Variants in DSCAM observed in about 807,000 individuals in gnomAD.
DSCAM encodes the protein DS cell adhesion molecule.
Under a neutral mutation model 217.7 loss-of-function variants are expected in DSCAM, and 47 were observed. That is an observed-to-expected ratio of 0.22 (90% confidence interval 0.17 to 0.28). DSCAM has a LOEUF of 0.28. Among genes scored for constraint, DSCAM ranks in the 10% least tolerant of loss-of-function variants. The pLI is 1.00. For synonymous variants in DSCAM, 1,056 were observed against 1,015.3 expected (o/e 1.04, Z -0.76); for missense variants, 2,080 against 2,618.3 (o/e 0.79, Z 4.49).
chr21:40,753,037 T>C (rs1168373820), intron 1 of DSCAM, among the ~76,000 whole-genome samples: 1 of 152,204 alleles, frequency 6.6e-6, no homozygotes, highest in Non-Finnish European at 1.5e-5. Flanking sequence ...GCCTCCACCA[T>C]GTAACAGAGT....
rs531541185 is a variant in DSCAM, at chr21:40,281,041, C to T, written c.2183-4771G>A. Among the ~76,000 whole-genome samples the T allele has an allele frequency of 5.3e-5, 8 of 152,290 alleles. 1 individual carries two copies. Among genetic ancestry groups the T allele is most frequent in the African/African-American group, 1.9e-4 (8 of 41,554 alleles). On this transcript the variant is annotated intron_variant, in intron 10 of 32. Coordinates refer to ENST00000400454, the MANE Select transcript of DSCAM (RefSeq NM_001389.5). ...TGCATCCCAGCCAACCCCTTGGCTG[C>T]AATGTTGGGAAGATGGTGAACCAGA...
At chr21:40,307,292 C>G (rs1388328232) in intron 9 of DSCAM, among the ~76,000 whole-genome samples, 3 of 151,750 alleles carry the variant, frequency 2.0e-5, no homozygotes, top group African/African-American at 7.3e-5. Context: ...AGACACTTCT[C>G]AAAAGAAGAC....
chr21:40,544,478 G>A (rs906007372), intron 3 of DSCAM, among the ~76,000 whole-genome samples: 5 of 152,126 alleles, frequency 3.3e-5, no homozygotes, highest in Admixed American at 1.3e-4. Context: ...TAGTGTCTTC[G>A]TAAGAAGAGG....
chr21:40,108,470 G>C (rs1257740887), intron 20 of DSCAM, among the ~76,000 whole-genome samples: 3 of 152,150 alleles, frequency 2.0e-5, no homozygotes, highest in Admixed American at 2.0e-4. Context: ...CCTACAAGGA[G>C]AACTACAAAC....
At chr21:40,666,590 T>C (rs1406878911) in intron 3 of DSCAM, among the ~76,000 whole-genome samples, 1 of 152,216 alleles carries the variant, frequency 6.6e-6, no homozygotes, top group African/African-American at 2.4e-5. Context: ...CTGGAGGCTT[T>C]CAGAGGGAAG....
intron 16 of DSCAM, among the ~76,000 whole-genome samples, chr21:40,146,398 G>A (rs1038392942): frequency 1.3e-5 from 2 of 152,124 alleles, no homozygotes; most frequent in African/African-American, 4.8e-5. Flanking sequence ...TTGAAAACCT[G>A]CCAAATGTGA....
chr21:40,674,632 CT>C (rs869046725), intron 3 of DSCAM, among the ~76,000 whole-genome samples: 58 of 51,998 alleles, frequency 1.1e-3, no homozygotes, highest in Non-Finnish European at 1.6e-3. Flanking sequence ...TTTTCTTTTT[CT>C]TTTTTTTTTT....
At chr21:40,093,119 T>C (rs549645728) in intron 21 of DSCAM, among the ~76,000 whole-genome samples, 1 of 152,304 alleles carries the variant, frequency 6.6e-6, no homozygotes, top group South Asian at 2.1e-4. Context: ...AGGGGGTTCC[T>C]GGAAACACTG....
At chr21:40,073,616 C>A (rs951586622) in intron 27 of DSCAM, among the ~76,000 whole-genome samples, 3 of 152,178 alleles carry the variant, frequency 2.0e-5, no homozygotes, top group Non-Finnish European at 4.4e-5. Flanking sequence ...AGTAGCCTCC[C>A]TTTTCCTCTC....
intron 3 of DSCAM, among the ~76,000 whole-genome samples, chr21:40,531,059 T>C (rs1309972425): frequency 1.3e-5 from 2 of 152,152 alleles, no homozygotes; most frequent in Non-Finnish European, 2.9e-5. Context: ...CCACGACTAT[T>C]TTCCACACCT....
chr21:40,314,444 G>T lies in DSCAM; in HGVS notation c.1784-2085C>A, dbSNP rs567889780. Among the ~76,000 whole-genome samples, 4 of 152,308 alleles carry T rather than the reference G, an allele frequency of 2.6e-5. No homozygotes were observed. The East Asian group carries it at 7.7e-4, about 29-fold the overall frequency. On this transcript the variant is annotated intron_variant, in intron 8 of 32. Coordinates refer to ENST00000400454, the MANE Select transcript of DSCAM (RefSeq NM_001389.5). ...TGATGCTAAGAGATAAAGGTCTCAG[G>T]ATGAGATTCTATCCAGTGCTGGTGG...
chr21:40,269,336 T>C (rs2073583749), intron 11 of DSCAM, among the ~76,000 whole-genome samples: 1 of 152,234 alleles, frequency 6.6e-6, no homozygotes, highest in Non-Finnish European at 1.5e-5. Flanking sequence ...TTACGTTTCA[T>C]TGTGCAAATT....
chr21:40,057,871 G>GT (rs1568917869), intron 28 of DSCAM, among the ~76,000 whole-genome samples: 1 of 102,172 alleles, frequency 9.8e-6, no homozygotes, highest in Non-Finnish European at 2.0e-5. Flanking sequence ...GTTCACTGCA[G>GT]TCTTTTTTTT....
At chr21:40,642,608 G>A (rs1346086327) in intron 3 of DSCAM, among the ~76,000 whole-genome samples, 1 of 152,052 alleles carries the variant, frequency 6.6e-6, no homozygotes, top group Non-Finnish European at 1.5e-5. Flanking sequence ...TTTGAGACAA[G>A]GTCTTGCTCT....
At chr21:40,257,604 A>C (rs776448885) in intron 11 of DSCAM, among the ~76,000 whole-genome samples, 2 of 152,092 alleles carry the variant, frequency 1.3e-5, no homozygotes, top group Non-Finnish European at 2.9e-5. Context: ...GACAGGACTG[A>C]ATGAGCAGAA....
intron 3 of DSCAM, among the ~76,000 whole-genome samples, chr21:40,507,143 G>A (rs2076216464): frequency 6.6e-6 from 1 of 152,022 alleles, no homozygotes; most frequent in Non-Finnish European, 1.5e-5. Flanking sequence ...CAGGCATGGT[G>A]GCACACACCT....
intron 10 of DSCAM, among the ~76,000 whole-genome samples, chr21:40,281,836 G>C (rs897314504): frequency 1.3e-5 from 2 of 151,984 alleles, no homozygotes; most frequent in Non-Finnish European, 2.9e-5. Context: ...TTTCTACTGA[G>C]CTTTTGTCTT....
intron 1 of DSCAM, among the ~76,000 whole-genome samples, chr21:40,770,708 G>A (rs1402950476): frequency 3.9e-5 from 6 of 152,232 alleles, no homozygotes; most frequent in Middle Eastern, 3.4e-3. Flanking sequence ...TACAGGAGGC[G>A]AATGTTATTA....
chr21:40,761,421 C>A (rs2091334066), intron 1 of DSCAM, among the ~76,000 whole-genome samples: 1 of 151,802 alleles, frequency 6.6e-6, no homozygotes, highest in Non-Finnish European at 1.5e-5. Flanking sequence ...CTCCTCCACC[C>A]CTCCATCTCT....
Sources: gnomAD v4.1 joint callset for allele counts (sites outside exome capture counted in the v4.1 genomes callset) on GRCh38, gnomAD v4.1.1 for gene constraint, MANE v1.5 for transcripts, NCBI Gene and HGNC (gene_info 2026-07-23, HGNC 2026-07-21) for gene names.